Variants in CARMIL1 observed in about 807,000 individuals in gnomAD.
CARMIL1 encodes the protein F-actin-uncapping protein LRRC16A.
Under a neutral mutation model 177.1 loss-of-function variants are expected in CARMIL1, and 90 were observed. The observed-to-expected ratio is 0.51, with a 90% confidence interval of 0.43 to 0.61. The LOEUF is 0.61. Ranked by LOEUF, CARMIL1 falls within the 20% of genes least tolerant of loss-of-function variation. The pLI, the probability that CARMIL1 is intolerant of heterozygous loss-of-function variation, is 0.00. For missense variants in CARMIL1, 1,380 were observed against 1,667.0 expected (o/e 0.83, Z 3.00); for synonymous variants, 577 against 606.2 (o/e 0.95, Z 0.71).
intron 36 of CARMIL1, among the ~76,000 whole-genome samples, chr6:25,616,048 T>G (rs1816861019): frequency 1.3e-5 from 2 of 152,338 alleles, no homozygotes; most frequent in South Asian, 4.1e-4. Context: ...TACCTGTTCA[T>G]TTACTTATCT....
chr6:25,606,353 T>C, intron 35 of CARMIL1, 80 bp downstream of exon 35: 1 of 1,346,188 alleles, frequency 7.4e-7, no homozygotes, highest in Non-Finnish European at 1.0e-6. Flanking sequence ...TGCAGGTGGT[T>C]TCAGGGGCAG....
At chr6:25,418,411 T>C (rs960045485) in intron 2 of CARMIL1, among the ~76,000 whole-genome samples, 3 of 152,132 alleles carry the variant, frequency 2.0e-5, no homozygotes, top group African/African-American at 7.2e-5. Flanking sequence ...CCCTACAGAT[T>C]ATGTAGCCAG....
intron 2 of CARMIL1, among the ~76,000 whole-genome samples, chr6:25,343,315 G>C (rs188357682): frequency 3.5e-5 from 4 of 115,008 alleles, no homozygotes; most frequent in African/African-American, 1.3e-4. Context: ...CAGTATTTTT[G>C]CTTTTTTTTT....
chr6:25,515,621 A>C lies in CARMIL1; in HGVS notation c.1633-54A>C. Reference sequence around the variant, plus strand: ...ATTCTCCACGAAATGCGTCGTGGAGAGTGGGTGCTGCTTTGATGAGACTGC... The same window carrying C: ...ATTCTCCACGAAATGCGTCGTGGAGCGTGGGTGCTGCTTTGATGAGACTGC... On this transcript the variant is annotated intron_variant, in intron 20 of 36. Coordinates refer to ENST00000329474, the MANE Select transcript of CARMIL1 (RefSeq NM_017640.6). This position sits in a 1 kb window ranked among gnomAD's most constrained non-coding sequence, Gnocchi z 5.0. 1 of 1,508,004 alleles carries C rather than the reference A, an allele frequency of 6.6e-7. No individual in the cohort carries two copies. Among genetic ancestry groups the C allele is most frequent in the Non-Finnish European group, 9.0e-7 (1 of 1,116,018 alleles). The allele number at this position is 1,508,004 out of a possible 1,614,324, so 93.4% of individuals were successfully genotyped here.
chr6:25,367,157 TG>T (rs892305202), intron 2 of CARMIL1, among the ~76,000 whole-genome samples: 3 of 152,138 alleles, frequency 2.0e-5, no homozygotes, highest in Admixed American at 2.0e-4. Context: ...AGTTTTGATG[TG>T]GGGGGTGTGG....
At chr6:25,335,140 G>C (rs147263529) in intron 2 of CARMIL1, among the ~76,000 whole-genome samples, 1 of 152,274 alleles carries the variant, frequency 6.6e-6, no homozygotes, top group African/African-American at 2.4e-5. Flanking sequence ...TCAATGAAGC[G>C]TAGGAAGTCT....
intron 2 of CARMIL1, among the ~76,000 whole-genome samples, chr6:25,333,451 T>A (rs71555192): frequency 0.13 from 20,483 of 152,018 alleles, 1,410 homozygotes; most frequent in Middle Eastern, 0.19. Context: ...CTGTAGTCCC[T>A]GCTACTTGGG....
chr6:25,304,064 G>T (rs1217078392), intron 2 of CARMIL1, among the ~76,000 whole-genome samples: 1 of 152,262 alleles, frequency 6.6e-6, no homozygotes, highest in Non-Finnish European at 1.5e-5. Context: ...CTTGTTGATT[G>T]TGTGCAGTTT....
intron 2 of CARMIL1, among the ~76,000 whole-genome samples, chr6:25,411,215 G>C (rs1794877003): frequency 6.6e-6 from 1 of 152,166 alleles, no homozygotes; most frequent in Non-Finnish European, 1.5e-5. Context: ...GTCCCCTGCT[G>C]TCTGCTCACC....
chr6:25,350,235 TA>T (rs1469610255), intron 2 of CARMIL1, among the ~76,000 whole-genome samples: 1 of 152,176 alleles, frequency 6.6e-6, no homozygotes, highest in Non-Finnish European at 1.5e-5. Flanking sequence ...CTATTCTTAG[TA>T]TTTTTGCTTG....
chr6:25,394,619 T>C (rs528140401), intron 2 of CARMIL1, among the ~76,000 whole-genome samples: 68 of 152,362 alleles, frequency 4.5e-4, no homozygotes, highest in African/African-American at 1.6e-3. Flanking sequence ...TGCAAGTGGT[T>C]AAGTCAGGGT....
intron 2 of CARMIL1, among the ~76,000 whole-genome samples, chr6:25,300,015 A>G (rs1468943202): frequency 6.6e-6 from 1 of 151,222 alleles, no homozygotes; most frequent in African/African-American, 2.4e-5. Flanking sequence ...ACATTGTCAC[A>G]TGTCCTTTGG....
chr6:25,292,193 G>A (rs763631241), intron 2 of CARMIL1, among the ~76,000 whole-genome samples: 8 of 152,142 alleles, frequency 5.3e-5, no homozygotes, highest in Non-Finnish European at 7.3e-5. Context: ...CCAGTTGTTG[G>A]GTAATTTGAA....
chr6:25,539,737 A>G (rs1297420224), intron 25 of CARMIL1, among the ~76,000 whole-genome samples: 1 of 151,290 alleles, frequency 6.6e-6, no homozygotes. Flanking sequence ...CCTAATACCC[A>G]GTCTAGTGTT....
intron 36 of CARMIL1, among the ~76,000 whole-genome samples, chr6:25,615,816 T>TA (rs1816846161): frequency 6.6e-6 from 1 of 152,140 alleles, no homozygotes; most frequent in African/African-American, 2.4e-5. Flanking sequence ...TCCTGGAAAA[T>TA]ATGGATGTCA....
chr6:25,349,507 A>G (rs1299083560), intron 2 of CARMIL1, among the ~76,000 whole-genome samples: 1 of 152,196 alleles, frequency 6.6e-6, no homozygotes, highest in East Asian at 1.9e-4. Context: ...TGGGGCTCAT[A>G]TACTGTTGGA....
chr6:25,359,708 G>A (rs1788991335), intron 2 of CARMIL1, among the ~76,000 whole-genome samples: 1 of 152,142 alleles, frequency 6.6e-6, no homozygotes, highest in Admixed American at 6.5e-5. Flanking sequence ...ATTTCCTGTG[G>A]GTGCACTGAT....
At chr6:25,340,791 T>TG (rs1786836836) in intron 2 of CARMIL1, among the ~76,000 whole-genome samples, 1 of 148,310 alleles carries the variant, frequency 6.7e-6, no homozygotes, top group South Asian at 2.3e-4. Context: ...TTTTTTTTTT[T>TG]TTTTTTTTTT....
chr6:25,608,823 G>A (rs573331295), intron 35 of CARMIL1, among the ~76,000 whole-genome samples: 3 of 152,238 alleles, frequency 2.0e-5, no homozygotes, highest in East Asian at 3.9e-4. Context: ...TGTCTTCTAC[G>A]TGCACAGACA....
Sources: allele counts gnomAD v4.1 joint callset (sites outside exome capture counted in the v4.1 genomes callset), GRCh38; gene constraint gnomAD v4.1.1; non-coding constraint Gnocchi (gnomAD v3.1); transcripts MANE v1.5; gene names NCBI Gene and HGNC (gene_info 2026-07-23, HGNC 2026-07-21).